The following SEMA3A variants were observed in gnomAD, a reference collection of about 807,000 sequenced individuals.
SEMA3A encodes the protein semaphorin 3A.
SEMA3A carries 29 observed loss-of-function variants against 97.9 expected under a neutral mutation model. The observed-to-expected ratio is 0.30, with a 90% confidence interval of 0.22 to 0.40. The LOEUF is 0.40. Ranked by LOEUF, SEMA3A falls within the 10% of genes least tolerant of loss-of-function variation. The pLI is 1.00. For synonymous variants in SEMA3A, 321 were observed against 323.7 expected, an observed-to-expected ratio of 0.99 and a Z score of 0.09; for missense variants, 763 against 951.3, an observed-to-expected ratio of 0.80 and a Z score of 2.60.
chr7:84,276,661 A>T (rs1025892201), intron 3 of SEMA3A, among the ~76,000 whole-genome samples: 6 of 152,104 alleles, frequency 3.9e-5, no homozygotes, highest in African/African-American at 1.4e-4. Context: ...TGTTATTACA[A>T]ATATTTTATA....
intron 6 of SEMA3A, among the ~76,000 whole-genome samples, chr7:84,037,377 G>C (rs1480644157): frequency 6.6e-6 from 1 of 151,940 alleles, no homozygotes; most frequent in Non-Finnish European, 1.5e-5. Flanking sequence ...ACCTAGGCTG[G>C]AGTGCAGTGG....
chr7:84,478,375 G>C (rs796230591), intron 1 of SEMA3A, among the ~76,000 whole-genome samples: 24 of 152,132 alleles, frequency 1.6e-4, no homozygotes, highest in African/African-American at 5.8e-4. Context: ...CCAAGGATTA[G>C]TCATAAAACA....
At chr7:84,207,549 G>T (rs1190543303) in intron 3 of SEMA3A, among the ~76,000 whole-genome samples, 1 of 152,158 alleles carries the variant, frequency 6.6e-6, no homozygotes, top group African/African-American at 2.4e-5. Flanking sequence ...TTTAACTGAA[G>T]AAATTACTGT....
intron 2 of SEMA3A, among the ~76,000 whole-genome samples, chr7:84,350,922 G>T (rs1240856981): frequency 6.6e-6 from 1 of 152,060 alleles, no homozygotes; most frequent in Non-Finnish European, 1.5e-5. Flanking sequence ...GCTTGTGATT[G>T]CGAAGTGTAA....
intron 2 of SEMA3A, among the ~76,000 whole-genome samples, chr7:84,348,296 C>G (rs1026026945): frequency 8.5e-5 from 13 of 152,064 alleles, no homozygotes; most frequent in African/African-American, 3.1e-4. Flanking sequence ...TGAGAAAATA[C>G]TAAATATTTG....
At chr7:84,069,535 A>T (rs1191415686) in intron 4 of SEMA3A, among the ~76,000 whole-genome samples, 2 of 152,146 alleles carry the variant, frequency 1.3e-5, no homozygotes, top group Non-Finnish European at 2.9e-5. Flanking sequence ...AAATATCTGT[A>T]AATATTTTGA....
At chr7:84,332,219 A>G (rs1801924994) in intron 2 of SEMA3A, among the ~76,000 whole-genome samples, 3 of 152,162 alleles carry the variant, frequency 2.0e-5, no homozygotes, top group Non-Finnish European at 4.4e-5. Context: ...CTATCAGAAT[A>G]TTACAAATAA....
intron 1 of SEMA3A, among the ~76,000 whole-genome samples, chr7:84,188,421 G>A (rs1327613462): frequency 4.6e-5 from 7 of 151,898 alleles, no homozygotes; most frequent in African/African-American, 1.4e-4. Flanking sequence ...ACTTATTTGT[G>A]TCAGATAGAA....
intron 2 of SEMA3A, among the ~76,000 whole-genome samples, chr7:84,365,919 T>A (rs145184146): frequency 8.5e-4 from 129 of 151,510 alleles, no homozygotes; most frequent in East Asian, 6.8e-3. Flanking sequence ...ATTATAACAT[T>A]TAAATTATAT....
intron 6 of SEMA3A, among the ~76,000 whole-genome samples, chr7:84,016,887 C>A (rs1420909052): frequency 5.3e-5 from 8 of 152,232 alleles, no homozygotes; most frequent in Middle Eastern, 6.8e-3. Context: ...AAAATGAAAA[C>A]AATCATACAT....
intron 3 of SEMA3A, among the ~76,000 whole-genome samples, chr7:84,230,086 T>C (rs1799085575): frequency 6.6e-6 from 1 of 151,948 alleles, no homozygotes; most frequent in Non-Finnish European, 1.5e-5. Flanking sequence ...TCTCTGGCAT[T>C]TGACATTCTT....
At chr7:84,206,320 A>ATTT (rs532227830) in intron 3 of SEMA3A, among the ~76,000 whole-genome samples, 9 of 130,404 alleles carry the variant, frequency 6.9e-5, no homozygotes, top group African/African-American at 2.0e-4. Flanking sequence ...CCAAGATGGC[A>ATTT]TTTTTTTTTT....
intron 6 of SEMA3A, among the ~76,000 whole-genome samples, chr7:84,017,068 G>A (rs1584550778): frequency 6.6e-6 from 1 of 152,116 alleles, no homozygotes; most frequent in East Asian, 1.9e-4. Flanking sequence ...GTAGAAAAGA[G>A]TATCCATAAT....
chr7:84,288,036 C>T (rs923616589), intron 3 of SEMA3A, among the ~76,000 whole-genome samples: 1 of 152,126 alleles, frequency 6.6e-6, no homozygotes, highest in Admixed American at 6.6e-5. Context: ...CCAATTTTCC[C>T]ATGCTTCAGG....
chr7:84,119,511 G>A (rs1459363833), intron 3 of SEMA3A, among the ~76,000 whole-genome samples: 1 of 152,192 alleles, frequency 6.6e-6, no homozygotes, highest in East Asian at 1.9e-4. Flanking sequence ...GACATAAGAA[G>A]CTGATGATTT....
chr7:83,982,575 A>AACTT (rs753749889), intron 13 of SEMA3A, among the ~76,000 whole-genome samples: 4 of 152,156 alleles, frequency 2.6e-5, no homozygotes, highest in Non-Finnish European at 5.9e-5. Context: ...CCTTAAGTAA[A>AACTT]ACTTACATAA....
intron 3 of SEMA3A, among the ~76,000 whole-genome samples, chr7:84,266,549 A>G (rs2115683979): frequency 6.6e-6 from 1 of 152,158 alleles, no homozygotes; most frequent in East Asian, 1.9e-4. Flanking sequence ...AAGACTCATG[A>G]GTCATCCAGA....
At chr7:84,433,171 C>T (rs1805031423) in intron 1 of SEMA3A, among the ~76,000 whole-genome samples, 1 of 151,810 alleles carries the variant, frequency 6.6e-6, no homozygotes. Context: ...TGGTTTGTTG[C>T]ACCCATCAAC....
At chr7:84,446,671 C>T (rs1484670930) in intron 1 of SEMA3A, among the ~76,000 whole-genome samples, 1 of 152,244 alleles carries the variant, frequency 6.6e-6, no homozygotes, top group Non-Finnish European at 1.5e-5. Context: ...AACATAGAGG[C>T]CATATATGAA....
Sources: allele counts gnomAD v4.1 joint callset (sites outside exome capture counted in the v4.1 genomes callset), GRCh38; gene constraint gnomAD v4.1.1; transcripts MANE v1.5; gene names NCBI Gene and HGNC (gene_info 2026-07-23, HGNC 2026-07-21).